Variants in DMD observed in about 807,000 individuals in gnomAD.
The protein encoded by DMD is dystrophin.
A neutral mutation model predicts 330.1 loss-of-function variants in DMD; 63 were observed. The observed-to-expected ratio is 0.19, with a 90% confidence interval of 0.16 to 0.24. DMD has a LOEUF of 0.24. Ranked by LOEUF, DMD falls within the 10% of genes least tolerant of loss-of-function variation. DMD has a pLI of 1.00. For missense variants in DMD, 3,344 were observed against 2,684.1 expected (o/e 1.25, Z -5.43); for synonymous variants, 1,223 against 959.8 (o/e 1.27, Z -5.07).
chrX:31,748,965 G>A (rs894995028), intron 51 of DMD, among the ~76,000 whole-genome samples: 1 of 111,181 alleles, frequency 9.0e-6, no homozygotes, highest in Non-Finnish European at 1.9e-5. Flanking sequence ...TGGGCTAGAT[G>A]CTTTATAGTC....
At chrX:31,159,191 A>G (rs902999519) in intron 74 of DMD, among the ~76,000 whole-genome samples, 5 of 111,958 alleles carry the variant, frequency 4.5e-5, no homozygotes, top group African/African-American at 1.6e-4. Context: ...CTCACATTCT[A>G]GAGTGTGGGA....
chrX:32,999,702 G>A (rs1033218652), intron 2 of DMD, among the ~76,000 whole-genome samples: 1 of 110,483 alleles, frequency 9.1e-6, no homozygotes, highest in African/African-American at 3.3e-5. Context: ...CTTGAACTAG[G>A]GAGTCGGAGG....
intron 18 of DMD, among the ~76,000 whole-genome samples, chrX:32,503,680 C>T (rs972431446): frequency 9.1e-6 from 1 of 110,408 alleles, no homozygotes; most frequent in Non-Finnish European, 1.9e-5. Context: ...TTCAGCCTCC[C>T]GAGTAGCCGG....
intron 47 of DMD, among the ~76,000 whole-genome samples, chrX:31,902,544 T>C (rs1248354570): frequency 9.0e-6 from 1 of 111,633 alleles, no homozygotes; most frequent in Non-Finnish European, 1.9e-5. Context: ...ATTGAACCAG[T>C]GAGTAGAGCG....
chrX:33,069,709 G>A (rs190402541), intron 1 of DMD, among the ~76,000 whole-genome samples: 3 of 111,504 alleles, frequency 2.7e-5, no homozygotes, highest in African/African-American at 9.7e-5. Context: ...GAATAATCAG[G>A]ATTTAATAGA....
At chrX:33,127,137 T>C (rs920705743) in intron 1 of DMD, among the ~76,000 whole-genome samples, 1 of 110,437 alleles carries the variant, frequency 9.1e-6, no homozygotes. Flanking sequence ...TTTAATTTAA[T>C]GCGGTGTACT....
At chrX:32,906,438 C>CA (rs1425125628) in intron 2 of DMD, among the ~76,000 whole-genome samples, 3 of 111,858 alleles carry the variant, frequency 2.7e-5, no homozygotes, top group Non-Finnish European at 5.6e-5. Context: ...TATCCAGTGT[C>CA]AGGTATTTCT....
At chrX:32,067,523 T>A (rs184013543) in intron 44 of DMD, among the ~76,000 whole-genome samples, 2 of 110,673 alleles carry the variant, frequency 1.8e-5, no homozygotes, top group Non-Finnish European at 3.8e-5. Context: ...TCCCCTTCTA[T>A]TAGTCCCTAG....
intron 21 of DMD, among the ~76,000 whole-genome samples, chrX:32,482,018 T>G (rs1363220095): frequency 8.9e-6 from 1 of 112,105 alleles, no homozygotes; most frequent in Non-Finnish European, 1.9e-5. Context: ...TTGTCATAAC[T>G]AATAATGTCA....
chrX:31,951,175 G>A (rs56803031), intron 45 of DMD, among the ~76,000 whole-genome samples: 6,432 of 63,263 alleles, frequency 0.1, 349 homozygotes, highest in Non-Finnish European at 0.11. Context: ...ATATATATAT[G>A]TATATATATA....
At position 33,297,293 on chromosome X, in the gene DMD, A is replaced by G. The variant is rs373555443; in HGVS notation, c.7+41966T>C. 1.8e-3 allele frequency among the ~76,000 whole-genome samples: 204 copies of G among 110,927 alleles called. 1 individual carries two copies. Among genetic ancestry groups the G allele is most frequent in the African/African-American group, 6.4e-3 (197 of 30,693 alleles). On this transcript the variant is annotated intron_variant, in intron 1 of 17. Transcript: ENST00000288447. ...AATTGGTAATATTCATTCTTGTTCT[A>G]TAATTTTAAATAAAAAGTTTGTCTC... is the stretch of plus-strand genomic sequence containing the variant.
In DMD at chrX:31,836,791, T is replaced by A. The variant is rs774228400; in HGVS notation, c.7127A>T (p.Gln2376Leu). ...AGACAAAATCTCTTCCACATCCGGTTGTTTAGCTTGAACTGCTATTTCAGT... is the reference window on the plus strand; with the variant it reads ...AGACAAAATCTCTTCCACATCCGGTAGTTTAGCTTGAACTGCTATTTCAGT... ...KETEIAVQAK[Q>L]PDVEEILSKG... Residue 2376 changes from glutamine to leucine, a missense_variant, in exon 49 of 79, where the codon CAA becomes CTA. By Grantham distance (113) the Gln-to-Leu change is moderately radical (BLOSUM62 -2). Transcript: ENST00000357033. 1.7e-5 allele frequency: 21 copies of A among 1,209,851 alleles called. No homozygotes were observed. Among genetic ancestry groups the A allele is most frequent in the Non-Finnish European group, 2.2e-5 (20 of 894,996 alleles).
At chrX:31,214,937 C>CTTTTTTCTTTTTT (rs1556299261) in intron 64 of DMD, among the ~76,000 whole-genome samples, 620 of 37,858 alleles carry the variant, frequency 0.016, 5 homozygotes, top group Admixed American at 0.024. Flanking sequence ...TTTCTTTTTT[C>CTTTTTTCTTTTTT]TTTTTTTTTT....
At chrX:31,793,509 G>A (rs994301392) in intron 50 of DMD, among the ~76,000 whole-genome samples, 6 of 111,532 alleles carry the variant, frequency 5.4e-5, no homozygotes, top group Admixed American at 4.8e-4. Context: ...ATCATAAATT[G>A]AAAAATGCAT....
chrX:31,441,317 C>T (rs1332813679), intron 60 of DMD, among the ~76,000 whole-genome samples: 1 of 111,761 alleles, frequency 8.9e-6, no homozygotes, highest in African/African-American at 3.3e-5. Flanking sequence ...CTGCCTCAGC[C>T]TCCAGAGTAG....
At chrX:31,514,085 G>T (rs1294178286) in intron 55 of DMD, among the ~76,000 whole-genome samples, 2 of 111,470 alleles carry the variant, frequency 1.8e-5, no homozygotes, top group Non-Finnish European at 3.8e-5. Flanking sequence ...AGAAAATAAA[G>T]GATAACTATG....
At chrX:32,682,504 C>G (rs1045206016) in intron 9 of DMD, among the ~76,000 whole-genome samples, 1 of 111,479 alleles carries the variant, frequency 9.0e-6, no homozygotes, top group Admixed American at 9.6e-5. Context: ...AGCGAGTATT[C>G]AAATATCACA....
At chrX:31,480,039 T>C (rs932438828) in intron 57 of DMD, among the ~76,000 whole-genome samples, 4 of 112,287 alleles carry the variant, frequency 3.6e-5, no homozygotes. Context: ...AAGTGCATGC[T>C]ACATAAATGC....
intron 24 of DMD, among the ~76,000 whole-genome samples, chrX:32,464,067 T>C (rs764500805): frequency 2.0e-4 from 22 of 111,831 alleles, no homozygotes; most frequent in Non-Finnish European, 3.9e-4. Context: ...ATGACAATGG[T>C]ATAATGAATA....
Sources: allele counts gnomAD v4.1 joint callset (sites outside exome capture counted in the v4.1 genomes callset), GRCh38; gene constraint gnomAD v4.1.1; transcripts MANE v1.5; gene names NCBI Gene and HGNC (gene_info 2026-07-23, HGNC 2026-07-21).